PDGFRL: variants seen among roughly 807,000 people sequenced by gnomAD.
PDGFRL encodes the protein platelet derived growth factor receptor like.
Under a neutral mutation model 37.2 loss-of-function variants are expected in PDGFRL, and 46 were observed. That is an observed-to-expected ratio of 1.24 (90% CI 0.98 to 1.58). The LOEUF (loss-of-function observed/expected upper bound fraction) is 1.58, where lower values mean the gene tolerates loss of function less well. PDGFRL is among the 40% of genes most tolerant of loss of function. The probability of loss-of-function intolerance (pLI) is 0.00; values close to 1 mark genes in which losing one functional copy is unlikely to be tolerated. For synonymous variants in PDGFRL, 251 were observed against 184.3 expected, an observed-to-expected ratio of 1.36 and a Z score of -2.93; for missense variants, 692 against 467.6, an observed-to-expected ratio of 1.48 and a Z score of -4.43.
intron 2 of PDGFRL, among the ~76,000 whole-genome samples, chr8:17,590,283 AAG>A (rs1398779136): frequency 1.3e-5 from 2 of 149,508 alleles, no homozygotes; most frequent in Non-Finnish European, 3.0e-5. Flanking sequence ...CATTTGCTGA[AAG>A]AGTGAAATTT....
intron 2 of PDGFRL, among the ~76,000 whole-genome samples, chr8:17,595,538 C>A (rs1804034431): frequency 1.3e-5 from 2 of 152,184 alleles, no homozygotes; most frequent in African/African-American, 4.8e-5. Flanking sequence ...TCTCCTGGGC[C>A]CTGGTCTGGG....
At chr8:17,632,276 T>G (rs1804878048) in intron 4 of PDGFRL, among the ~76,000 whole-genome samples, 1 of 152,192 alleles carries the variant, frequency 6.6e-6, no homozygotes, top group African/African-American at 2.4e-5. Flanking sequence ...TAGACTTATG[T>G]GAATACCTTC....
At chr8:17,598,168 A>G (rs985975601) in intron 2 of PDGFRL, among the ~76,000 whole-genome samples, 1 of 152,212 alleles carries the variant, frequency 6.6e-6, no homozygotes, top group Non-Finnish European at 1.5e-5. Flanking sequence ...AAGACAAAGA[A>G]TGTTGTGGAA....
intron 2 of PDGFRL, among the ~76,000 whole-genome samples, chr8:17,615,034 A>G (rs1039225214): frequency 6.6e-6 from 1 of 152,204 alleles, no homozygotes; most frequent in Non-Finnish European, 1.5e-5. Flanking sequence ...GGCTTACAGC[A>G]TTGCTTAGCA....
intron 1 of PDGFRL, among the ~76,000 whole-genome samples, chr8:17,581,890 C>T (rs1402203763): frequency 2.0e-5 from 3 of 152,118 alleles, no homozygotes; most frequent in Non-Finnish European, 2.9e-5. Context: ...AAAATTGGTA[C>T]CAAGGAGTGG....
intron 3 of PDGFRL, among the ~76,000 whole-genome samples, chr8:17,627,993 T>TC (rs1409670547): frequency 4.7e-5 from 6 of 126,584 alleles, no homozygotes; most frequent in African/African-American, 9.8e-5. Context: ...TTCTTTCTTT[T>TC]TTTTTTTTTT....
At chr8:17,616,665 C>T (rs375626226) in intron 2 of PDGFRL, among the ~76,000 whole-genome samples, 14 of 152,224 alleles carry the variant, frequency 9.2e-5, no homozygotes, top group African/African-American at 2.6e-4. Context: ...GTACCAAGAC[C>T]CTCTTGGCCT....
chr8:17,606,246 T>C (rs1804274439), intron 2 of PDGFRL, among the ~76,000 whole-genome samples: 1 of 152,178 alleles, frequency 6.6e-6, no homozygotes, highest in Admixed American at 6.5e-5. Flanking sequence ...ATATTAACCA[T>C]TTTTAAGGAG....
intron 3 of PDGFRL, 89 bp downstream of exon 3, chr8:17,621,291 A>G: frequency 2.5e-6 from 2 of 789,696 alleles, no homozygotes; most frequent in Admixed American, 5.2e-5. Context: ...TGAATAGCAA[A>G]TAATGACAAT....
Position 17,590,236 on chromosome 8 carries a change from C to CAAAAAAAAAAAAAAA in PDGFRL, c.353+477_353+491dup, listed in dbSNP as rs770779669. Among the ~76,000 whole-genome samples, 224 of 35,574 alleles carry CAAAAAAAAAAAAAAA rather than the reference C, an allele frequency of 6.3e-3. 29 individuals carry two copies. Among genetic ancestry groups the CAAAAAAAAAAAAAAA allele is most frequent in the Middle Eastern group, 0.021 (1 of 48 alleles). The allele number at this position is 35,574 out of a possible 152,430, so 23.3% of individuals were successfully genotyped here. On this transcript the variant is annotated intron_variant, in intron 2 of 5. Coordinates refer to ENST00000251630, the MANE Select transcript of PDGFRL (RefSeq NM_001372073.1). ...GGTGACAGAGAGCGAGACTCCATCT[C>CAAAAAAAAAAAAAAA]AAAAAAAAAAAAAAAAAAAATTGCA...
At chr8:17,577,132 G>C (rs2705051), upstream of PDGFRL, 1,189,080 of 1,447,770 alleles carry the variant, frequency 0.82, 488,523 homozygotes, top group Middle Eastern at 0.86. Flanking sequence ...TGTTCCTCCT[G>C]AAGAAACCGA....
At chr8:17,597,993 C>G (rs1338203300) in intron 2 of PDGFRL, among the ~76,000 whole-genome samples, 1 of 52,886 alleles carries the variant, frequency 1.9e-5, no homozygotes. Context: ...TACCTAGTTC[C>G]CAGCTTGTGG....
intron 1 of PDGFRL, among the ~76,000 whole-genome samples, chr8:17,582,949 C>T (rs537748059): frequency 1.3e-5 from 2 of 152,198 alleles, no homozygotes; most frequent in Admixed American, 1.3e-4. Flanking sequence ...ATCTCAGGTG[C>T]ACCAGCTCTA....
chr8:17,592,098 C>G (rs972762818), intron 2 of PDGFRL, among the ~76,000 whole-genome samples: 6 of 152,196 alleles, frequency 3.9e-5, no homozygotes, highest in Admixed American at 1.3e-4. Context: ...CCCTCTCCCC[C>G]ACACTCTCCA....
rs755173446 is a variant in PDGFRL, at chr8:17,589,501, C to G, written c.89C>G (p.Pro30Arg). ...TGQHLPKNKRPKEPGENRIKP... is the reference protein window; with the variant it reads ...TGQHLPKNKRRKEPGENRIKP... The stretch of plus-strand genomic sequence containing the variant: ...CAACACCTTCCCAAGAACAAGCGTC[C>G]AAAAGAACCAGGAGAGAATAGAATC... The change falls in exon 2 of 6, where the codon CCA (proline) becomes CGA (arginine). Residue 30 changes from proline to arginine, a missense_variant. Transcript: ENST00000251630. 5.0e-6 allele frequency: 8 copies of G among 1,613,714 alleles called. No homozygotes were observed. The highest frequency in any genetic ancestry group is 6.8e-6 in the Non-Finnish European group (8 of 1,179,770).
At chr8:17,620,506 A>T (rs1045741184) in intron 2 of PDGFRL, among the ~76,000 whole-genome samples, 2 of 152,162 alleles carry the variant, frequency 1.3e-5, no homozygotes, top group Non-Finnish European at 2.9e-5. Flanking sequence ...AATGTGGTAC[A>T]TTTTTGACAA....
At position 17,624,121 on chromosome 8, in the gene PDGFRL, T is replaced by G. The variant is rs560570229; in HGVS notation, c.505+2919T>G. ...GGATTTTTACTATAGGGTTTGGCAA[T>G]TTGTCTTTTCAAGCATGGATGGCTT... On this transcript the variant is annotated intron_variant, in intron 3 of 5. Coordinates refer to ENST00000251630, the MANE Select transcript of PDGFRL (RefSeq NM_001372073.1). Among the ~76,000 whole-genome samples, 4 of 152,254 alleles carry G rather than the reference T, an allele frequency of 2.6e-5. No homozygotes were observed. The South Asian group carries it at 8.3e-4, about 32-fold the overall frequency.
At chr8:17,605,263 G>T (rs1418451194) in intron 2 of PDGFRL, among the ~76,000 whole-genome samples, 1 of 152,156 alleles carries the variant, frequency 6.6e-6, no homozygotes, top group African/African-American at 2.4e-5. Flanking sequence ...GTCTCTTCCT[G>T]TGTCAGTTGC....
chr8:17,590,803 C>T (rs904798490), intron 2 of PDGFRL, among the ~76,000 whole-genome samples: 28 of 151,986 alleles, frequency 1.8e-4, no homozygotes, highest in Admixed American at 1.8e-3. Context: ...CTGAAATGAC[C>T]TAACAGGAGA....
Sources: allele counts gnomAD v4.1 joint callset (sites outside exome capture counted in the v4.1 genomes callset), GRCh38; gene constraint gnomAD v4.1.1; transcripts MANE v1.5; gene names NCBI Gene and HGNC (gene_info 2026-07-23, HGNC 2026-07-21).